The following SEC24D variants were observed in gnomAD, a reference collection of about 807,000 sequenced individuals.
SEC24D encodes SEC24 homolog D, COPII component.
Under a neutral mutation model 116.9 loss-of-function variants are expected in SEC24D, and 69 were observed. The ratio of observed to expected loss-of-function variants is 0.59; its 90% CI spans 0.49 to 0.72. The LOEUF is 0.72. SEC24D is among the 30% of genes least tolerant of loss of function. The pLI, the probability that SEC24D is intolerant of heterozygous loss-of-function variation, is 0.00. For synonymous variants in SEC24D, 405 were observed against 442.8 expected, an observed-to-expected ratio of 0.91 and a Z score of 1.07; for missense variants, 1,131 against 1,264.1, an observed-to-expected ratio of 0.89 and a Z score of 1.60.
chr4:118,782,417 C>CCAGAACAGCAAATATTG (rs1307933126), intron 8 of SEC24D, among the ~76,000 whole-genome samples: 2 of 152,174 alleles, frequency 1.3e-5, no homozygotes, highest in African/African-American at 4.8e-5. Context: ...AGCAGAGGCT[C>CCAGAACAGCAAATATTG]CAGAACAGCA....
chr4:118,723,688 C>G, intron 22 of SEC24D, 33 bp from the exon 23 acceptor site: 1 of 1,587,340 alleles, frequency 6.3e-7, no homozygotes, highest in Non-Finnish European at 8.5e-7. Context: ...GTAACAGCCC[C>G]TGGTTATAAA....
At position 118,753,157 on chromosome 4, in the gene SEC24D, T is replaced by C. The variant is rs140348660; in HGVS notation, c.1422-269A>G. 0.025 allele frequency among the ~76,000 whole-genome samples: 3,757 copies of C among 152,246 alleles called. 65 individuals are homozygous for C. The highest frequency in any genetic ancestry group is 0.037 in the Non-Finnish European group (2,549 of 67,996). On this transcript the variant is annotated intron_variant, in intron 11 of 22. Coordinates refer to ENST00000280551, the MANE Select transcript of SEC24D (RefSeq NM_014822.4). ...AACACTTGTTCATATTTCTGTAACA[T>C]ATTTATTTTCAATCTATAGAAAACA...
At chr4:118,810,126 GTGTGTGTGTGTC>G (rs1560737210) in intron 6 of SEC24D, among the ~76,000 whole-genome samples, 8 of 126,488 alleles carry the variant, frequency 6.3e-5, no homozygotes, top group Non-Finnish European at 9.3e-5. Context: ...GTGTGTGTGT[GTGTGTGTGTGTC>G]AGAGGGTATA....
chr4:118,725,981 G>A (rs1473138999), intron 22 of SEC24D, among the ~76,000 whole-genome samples: 1 of 152,186 alleles, frequency 6.6e-6, no homozygotes, highest in African/African-American at 2.4e-5. Context: ...GGAGGGGGAT[G>A]GCCCTATAGA....
chr4:118,789,741 T>C (rs938429498), intron 8 of SEC24D, among the ~76,000 whole-genome samples: 1 of 152,088 alleles, frequency 6.6e-6, no homozygotes, highest in Non-Finnish European at 1.5e-5. Context: ...CGTGCCACCA[T>C]GCCAGGCTAA....
At chr4:118,829,843 A>G (rs2110542096) in intron 2 of SEC24D, among the ~76,000 whole-genome samples, 1 of 152,302 alleles carries the variant, frequency 6.6e-6, no homozygotes, top group Non-Finnish European at 1.5e-5. Flanking sequence ...ATACAGCACT[A>G]GCTTTACAAA....
chr4:118,802,566 A>C (rs560636709), intron 7 of SEC24D, among the ~76,000 whole-genome samples: 72 of 152,308 alleles, frequency 4.7e-4, no homozygotes, highest in African/African-American at 1.7e-3. Flanking sequence ...GACTGGGCCA[A>C]CTTTGGGGCT....
chr4:118,774,630 T>C (rs1379012004), intron 8 of SEC24D, among the ~76,000 whole-genome samples: 1 of 152,174 alleles, frequency 6.6e-6, no homozygotes. Context: ...ACTGGATCTG[T>C]AGAAAAGCAT....
chr4:118,788,846 C>G (rs141717358), intron 8 of SEC24D, among the ~76,000 whole-genome samples: 3 of 152,334 alleles, frequency 2.0e-5, no homozygotes, highest in African/African-American at 7.2e-5. Context: ...AACAAATCAA[C>G]CACCATTCTG....
At position 118,751,222 on chromosome 4, in the gene SEC24D, A is replaced by G. The variant is rs942613028; in HGVS notation, c.1707+774T>C. ...AGATGTAGTTTCGCTCTTGTTGCCC[A>G]GGCTGGAGTGCAATGGCACCATCTT... On this transcript the variant is annotated intron_variant, in intron 13 of 22. Transcript: ENST00000280551. Among the ~76,000 whole-genome samples the G allele has an allele frequency of 5.1e-5, 6 of 118,718 alleles. No homozygotes were observed. In the East Asian group the frequency reaches 1.3e-3, roughly 26 times the overall value. The allele number at this position is 118,718 out of a possible 152,430, so 77.9% of individuals were successfully genotyped here.
chr4:118,784,751 G>A (rs1279161865), intron 8 of SEC24D, among the ~76,000 whole-genome samples: 6 of 49,862 alleles, frequency 1.2e-4, no homozygotes, highest in South Asian at 6.8e-4. Context: ...CCCCCCCCCC[G>A]CCACCAAATA....
rs1726190393 is a variant in SEC24D, at chr4:118,740,813, A to G, written c.2093-5T>C. The G allele has an allele frequency of 2.5e-6, 4 of 1,613,460 alleles. No homozygotes were observed. The highest frequency in any genetic ancestry group is 3.4e-6 in the Non-Finnish European group (4 of 1,179,674). ...AGAAATCAGTGGCTCTGAAACCTAA[A>G]GATAAGGGAAAAAGGGAAATTTTGC... On this transcript the variant is annotated splice_region_variant and splice_polypyrimidine_tract_variant and intron_variant, in intron 16 of 22. Coordinates refer to ENST00000280551, the MANE Select transcript of SEC24D (RefSeq NM_014822.4).
At chr4:118,784,389 T>C (rs1222160480) in intron 8 of SEC24D, among the ~76,000 whole-genome samples, 1 of 152,210 alleles carries the variant, frequency 6.6e-6, no homozygotes, top group African/African-American at 2.4e-5. Flanking sequence ...ATAGACAAAA[T>C]TATGTTTGAA....
chr4:118,826,152 C>T (rs934337189), intron 2 of SEC24D, among the ~76,000 whole-genome samples: 3 of 151,968 alleles, frequency 2.0e-5, no homozygotes, highest in Non-Finnish European at 4.4e-5. Flanking sequence ...AATTCATATA[C>T]CACTATTTTC....
intron 8 of SEC24D, among the ~76,000 whole-genome samples, chr4:118,775,345 CAAAAAAAAAAAAA>C (rs55740002): frequency 1.7e-5 from 2 of 114,530 alleles, no homozygotes; most frequent in African/African-American, 8.3e-5. Context: ...AGCAAAAGGT[CAAAAAAAAAAAAA>C]AAAAAAAGAA....
At chr4:118,725,591 T>C (rs1725366923) in intron 22 of SEC24D, among the ~76,000 whole-genome samples, 1 of 152,270 alleles carries the variant, frequency 6.6e-6, no homozygotes, top group Non-Finnish European at 1.5e-5. Context: ...ATCTGAGGTA[T>C]TTTCTATTGC....
At chr4:118,733,820 A>G (rs1725823475) in intron 19 of SEC24D, among the ~76,000 whole-genome samples, 1 of 151,972 alleles carries the variant, frequency 6.6e-6, no homozygotes, top group African/African-American at 2.4e-5. Context: ...CCCTCAATTA[A>G]TAAACAAATC....
chr4:118,733,785 G>T (rs80250655), intron 19 of SEC24D, among the ~76,000 whole-genome samples: 2 of 151,768 alleles, frequency 1.3e-5, no homozygotes, highest in Non-Finnish European at 2.9e-5. Context: ...ACTTCCAGAT[G>T]AACCCTAATT....
chr4:118,809,259 AC>A (rs1469593878), intron 6 of SEC24D, among the ~76,000 whole-genome samples: 1 of 151,896 alleles, frequency 6.6e-6, no homozygotes, highest in Admixed American at 6.6e-5. Flanking sequence ...GGTGTGAGCC[AC>A]CTCACCCAGC....
Sources: gnomAD v4.1 joint callset for allele counts (sites outside exome capture counted in the v4.1 genomes callset) on GRCh38, gnomAD v4.1.1 for gene constraint, MANE v1.5 for transcripts, NCBI Gene and HGNC (gene_info 2026-07-23, HGNC 2026-07-21) for gene names.